CHRM3: variants seen among roughly 807,000 people sequenced by gnomAD.
CHRM3 encodes muscarinic acetylcholine receptor M3.
CHRM3 carries 11 observed loss-of-function variants against 41.8 expected under a neutral mutation model. The ratio of observed to expected loss-of-function variants is 0.26; its 90% CI spans 0.17 to 0.44. The LOEUF (loss-of-function observed/expected upper bound fraction) is 0.44, where lower values mean the gene tolerates loss of function less well. Ranked by LOEUF, CHRM3 falls within the 20% of genes least tolerant of loss-of-function variation. The probability of loss-of-function intolerance (pLI) is 1.00; values close to 1 mark genes in which losing one functional copy is unlikely to be tolerated. For synonymous variants in CHRM3, 297 were observed against 301.4 expected (o/e 0.99, Z 0.15); for missense variants, 571 against 745.4 (o/e 0.77, Z 2.72).
chr1:239,674,231 A>G (rs927516882), intron 4 of CHRM3, among the ~76,000 whole-genome samples: 10 of 152,186 alleles, frequency 6.6e-5, no homozygotes, highest in African/African-American at 2.2e-4. Context: ...ATATGAATAT[A>G]TTTAAGGACT....
intron 5 of CHRM3, among the ~76,000 whole-genome samples, chr1:239,699,555 A>G (rs1299321504): frequency 1.3e-5 from 2 of 152,150 alleles, no homozygotes; most frequent in African/African-American, 4.8e-5. Context: ...ATGAGAGATA[A>G]ATTTCTCTTG....
intron 6 of CHRM3, among the ~76,000 whole-genome samples, chr1:239,859,427 T>A (rs1197287232): frequency 1.4e-5 from 2 of 145,650 alleles, no homozygotes; most frequent in Admixed American, 1.3e-4. Flanking sequence ...TTGTTTTTTT[T>A]TTTTGTTTTT....
chr1:239,631,207 T>C (rs1669786538), intron 3 of CHRM3, among the ~76,000 whole-genome samples: 1 of 152,228 alleles, frequency 6.6e-6, no homozygotes, highest in African/African-American at 2.4e-5. Flanking sequence ...TATTTTAAAT[T>C]GTTAATTACA....
intron 6 of CHRM3, among the ~76,000 whole-genome samples, chr1:239,905,522 A>G (rs1679901451): frequency 6.6e-6 from 1 of 152,138 alleles, no homozygotes; most frequent in South Asian, 2.1e-4. Flanking sequence ...CCTGGTCAAC[A>G]TGGTGAAACC....
At chr1:239,397,329 G>T (rs970464104) in intron 1 of CHRM3, among the ~76,000 whole-genome samples, 6 of 151,880 alleles carry the variant, frequency 4.0e-5, no homozygotes, top group African/African-American at 1.4e-4. Context: ...ATATGTATAG[G>T]TATATTACTT....
intron 1 of CHRM3, among the ~76,000 whole-genome samples, chr1:239,429,130 T>C (rs1256049434): frequency 2.6e-5 from 4 of 152,260 alleles, no homozygotes; most frequent in African/African-American, 9.6e-5. Context: ...TGAATCTTGA[T>C]GCAATTTAAG....
intron 1 of CHRM3, among the ~76,000 whole-genome samples, chr1:239,399,993 A>G (rs1317521514): frequency 6.6e-6 from 1 of 151,944 alleles, no homozygotes; most frequent in African/African-American, 2.4e-5. Flanking sequence ...GCTCACTGCA[A>G]CCTCGGTCTT....
intron 2 of CHRM3, among the ~76,000 whole-genome samples, chr1:239,496,213 G>T (rs1228148916): frequency 1.3e-5 from 2 of 152,072 alleles, no homozygotes; most frequent in Non-Finnish European, 2.9e-5. Context: ...TATCATCTGA[G>T]TATAGTCTGG....
intron 5 of CHRM3, among the ~76,000 whole-genome samples, chr1:239,700,839 T>C (rs1660616934): frequency 6.6e-6 from 1 of 152,124 alleles, no homozygotes; most frequent in Non-Finnish European, 1.5e-5. Context: ...CAGTTTGTAA[T>C]TTGTGTGTGA....
intron 5 of CHRM3, among the ~76,000 whole-genome samples, chr1:239,757,547 G>A (rs541802522): frequency 1.7e-4 from 26 of 151,560 alleles, no homozygotes; most frequent in African/African-American, 5.3e-4. Flanking sequence ...GGAGAATGGC[G>A]TGAACCCGGG....
intron 2 of CHRM3, among the ~76,000 whole-genome samples, chr1:239,494,355 G>A (rs1667746335): frequency 6.6e-6 from 1 of 152,022 alleles, no homozygotes; most frequent in Admixed American, 6.6e-5. Context: ...TTGGTCAGCA[G>A]GGTTGTGACC....
At chr1:239,642,789 C>A (rs1573087979) in intron 4 of CHRM3, among the ~76,000 whole-genome samples, 1 of 152,206 alleles carries the variant, frequency 6.6e-6, no homozygotes, top group Admixed American at 6.5e-5. Context: ...CTCCATCCAG[C>A]TTTGTTCCAT....
chr1:239,693,636 A>G (rs1477766942), intron 5 of CHRM3, among the ~76,000 whole-genome samples: 1 of 152,204 alleles, frequency 6.6e-6, no homozygotes, highest in East Asian at 1.9e-4. Context: ...AACCTTAGAA[A>G]TTGGATAGCC....
chr1:239,904,439 C>T (rs975874731), intron 6 of CHRM3, among the ~76,000 whole-genome samples: 8 of 152,168 alleles, frequency 5.3e-5, no homozygotes, highest in African/African-American at 1.9e-4. Flanking sequence ...CACATCTGTC[C>T]TTGTGAATAT....
chr1:239,727,364 A>G (rs1663538373), intron 5 of CHRM3, among the ~76,000 whole-genome samples: 1 of 151,912 alleles, frequency 6.6e-6, no homozygotes, highest in South Asian at 2.1e-4. Flanking sequence ...TTCTTGGCCA[A>G]TTGGACCTTC....
intron 3 of CHRM3, among the ~76,000 whole-genome samples, chr1:239,617,318 C>T (rs1025738963): frequency 1.3e-5 from 2 of 152,094 alleles, no homozygotes; most frequent in African/African-American, 2.4e-5. Context: ...ATGTTGTAAC[C>T]GTCTAGGTAG....
intron 2 of CHRM3, among the ~76,000 whole-genome samples, chr1:239,536,556 A>G (rs535698125): frequency 6.6e-6 from 1 of 152,364 alleles, no homozygotes; most frequent in South Asian, 2.1e-4. Flanking sequence ...TTAGTAAACC[A>G]TCATCCACTC....
chr1:239,872,282 G>A (rs886971889), intron 6 of CHRM3, among the ~76,000 whole-genome samples: 6 of 152,138 alleles, frequency 3.9e-5, no homozygotes, highest in African/African-American at 7.2e-5. Flanking sequence ...ACTGAAACCC[G>A]AAAGGCCTTA....
chr1:239,717,972 G>T (rs1402986436), intron 5 of CHRM3, among the ~76,000 whole-genome samples: 3 of 152,078 alleles, frequency 2.0e-5, no homozygotes, highest in Non-Finnish European at 2.9e-5. Flanking sequence ...TTGAAAACAT[G>T]ATTTTGTTTA....
Sources: gnomAD v4.1 joint callset for allele counts (sites outside exome capture counted in the v4.1 genomes callset) on GRCh38, gnomAD v4.1.1 for gene constraint, MANE v1.5 for transcripts, NCBI Gene and HGNC (gene_info 2026-07-23, HGNC 2026-07-21) for gene names.